The following GNG7 variants were observed in gnomAD, a reference collection of about 807,000 sequenced individuals.
GNG7 encodes the protein G protein subunit gamma 7, also known as guanine nucleotide-binding protein G(I)/G(S)/G(O) subunit gamma-7.
In GNG7, 1 loss-of-function variant was observed where a neutral mutation model predicts 4.0. The ratio of observed to expected loss-of-function variants is 0.25; its 90% CI spans 0.09 to 1.18. The LOEUF (loss-of-function observed/expected upper bound fraction) is 1.18. GNG7 is among the 50% of genes most tolerant of loss of function. GNG7 has a pLI of 0.50. For missense variants in GNG7, 86 were observed against 91.9 expected, an observed-to-expected ratio of 0.94 and a Z score of 0.26; for synonymous variants, 34 against 36.9, an observed-to-expected ratio of 0.92 and a Z score of 0.29.
chr19:2,557,338 CACAT>C lies in GNG7; in HGVS notation c.-77-2154_-77-2151del, dbSNP rs1979595293. Among the ~76,000 whole-genome samples the C allele has an allele frequency of 6.6e-6, 1 of 151,866 alleles. No individual in the cohort carries two copies. Among genetic ancestry groups the C allele is most frequent in the African/African-American group, 2.4e-5 (1 of 41,320 alleles). On this transcript the variant is annotated intron_variant, in intron 2 of 4. Transcript: ENST00000382159. The surrounding 1 kb of genome is among the most constrained non-coding windows in gnomAD (Gnocchi z 5.1). ...AGACACACATGTGCACACAGACACA[CACAT>C]GTGCACACACACAGACACACACACA...
In GNG7 at chr19:2,513,577, G is replaced by C. The variant is rs938788198; in HGVS notation, c.*1445C>G. 1.6e-5 allele frequency: 16 copies of C among 985,344 alleles called. No homozygotes were observed. Among genetic ancestry groups the C allele is most frequent in the African/African-American group, 1.7e-5 (1 of 57,222 alleles). The allele number at this position is 985,344 out of a possible 1,614,324, so 61.0% of individuals were successfully genotyped here. ...CGCTGGGAGGAGTGGCCCATCCTGC[G>C]TCTAAGGCATCTCCCGGCCTCAGAC... On this transcript the variant is annotated 3_prime_UTR_variant, in exon 5 of 5. Transcript: ENST00000382159.
Position 2,662,599 on chromosome 19 carries a change from C to T in GNG7, c.-134-16319G>A, listed in dbSNP as rs191351453. Among the ~76,000 whole-genome samples, 51 of 152,212 alleles carry T rather than the reference C, an allele frequency of 3.4e-4. No homozygotes were observed. The East Asian group carries it at 5.2e-3, about 16-fold the overall frequency. Reference sequence around the variant, plus strand: ...TAAAGCATATTACAAAGAATACAGACGAAAAGATGCATAGGATGAGGTATA... The same window carrying T: ...TAAAGCATATTACAAAGAATACAGATGAAAAGATGCATAGGATGAGGTATA... On this transcript the variant is annotated intron_variant, in intron 1 of 4. Coordinates refer to ENST00000382159, the MANE Select transcript of GNG7 (RefSeq NM_052847.3).
At chr19:2,676,079 C>A (rs925420113) in intron 1 of GNG7, among the ~76,000 whole-genome samples, 16 of 152,208 alleles carry the variant, frequency 1.1e-4, no homozygotes, top group Admixed American at 2.6e-4. Flanking sequence ...GAGGCAGAGA[C>A]TGGAGCGATG....
chr19:2,675,019 C>T (rs1983559429), intron 1 of GNG7, among the ~76,000 whole-genome samples: 1 of 152,182 alleles, frequency 6.6e-6, no homozygotes, highest in African/African-American at 2.4e-5. Flanking sequence ...CTGGCTGAGA[C>T]TAGAATAGAT....
intron 1 of GNG7, among the ~76,000 whole-genome samples, chr19:2,673,288 C>CAAAAAA (rs1198125183): frequency 7.3e-6 from 1 of 136,916 alleles, no homozygotes; most frequent in Non-Finnish European, 1.6e-5. Context: ...CAAAACAAAA[C>CAAAAAA]AAAAAAAAAC....
intron 2 of GNG7, among the ~76,000 whole-genome samples, chr19:2,599,232 A>T (rs1981126616): frequency 6.6e-6 from 1 of 151,924 alleles, no homozygotes; most frequent in Non-Finnish European, 1.5e-5. Context: ...CTCCGAAAAC[A>T]CCGCACTTTC....
chr19:2,659,160 G>A (rs1239716770), intron 1 of GNG7, among the ~76,000 whole-genome samples: 4 of 151,854 alleles, frequency 2.6e-5, no homozygotes, highest in South Asian at 2.1e-4. Flanking sequence ...TAGTAGAGAC[G>A]AGGTTTCACC....
chr19:2,702,125 T>C (rs989207280), intron 1 of GNG7, among the ~76,000 whole-genome samples: 1 of 133,210 alleles, frequency 7.5e-6, no homozygotes, highest in Non-Finnish European at 1.6e-5. Context: ...AACCTCGACC[T>C]GCAACTCCAG....
At position 2,524,367 on chromosome 19, in the gene GNG7, A is replaced by G. The variant is rs1362771417; in HGVS notation, c.-37-3642T>C. Among the ~76,000 whole-genome samples the G allele has an allele frequency of 2.6e-5, 4 of 152,378 alleles. No individual in the cohort carries two copies. The East Asian group carries it at 5.8e-4, about 22-fold the overall frequency. ...TCTATGTTTATTTGCATGTATGTCAATGATGCACATGTGACTGTACACGTG... is the reference window on the plus strand; with the variant it reads ...TCTATGTTTATTTGCATGTATGTCAGTGATGCACATGTGACTGTACACGTG... On this transcript the variant is annotated intron_variant, in intron 3 of 4. Transcript: ENST00000382159.
chr19:2,636,126 G>A (rs1279289456), intron 2 of GNG7, among the ~76,000 whole-genome samples: 1 of 152,136 alleles, frequency 6.6e-6, no homozygotes, highest in African/African-American at 2.4e-5. Context: ...GCTCACACCG[G>A]ACACCAGAAT....
At position 2,571,224 on chromosome 19, in the gene GNG7, G is replaced by A. The variant is rs564351391; in HGVS notation, c.-77-16036C>T. Among the ~76,000 whole-genome samples, 35 of 152,254 alleles carry A rather than the reference G, an allele frequency of 2.3e-4. 1 individual carries two copies. The highest frequency in any genetic ancestry group is 3.4e-3 in the Middle Eastern group (1 of 294). ...GTGTCTTCTAGGATCTGCGGAATGGGGGCCTCTCCAGCACAGATAACAGAG... is the reference window on the plus strand; with the variant it reads ...GTGTCTTCTAGGATCTGCGGAATGGAGGCCTCTCCAGCACAGATAACAGAG... On this transcript the variant is annotated intron_variant, in intron 2 of 4. Coordinates refer to ENST00000382159, the MANE Select transcript of GNG7 (RefSeq NM_052847.3).
intron 1 of GNG7, among the ~76,000 whole-genome samples, chr19:2,682,316 C>A (rs1204952934): frequency 2.0e-5 from 3 of 152,070 alleles, no homozygotes; most frequent in Non-Finnish European, 2.9e-5. Flanking sequence ...TGGCTGGTTC[C>A]ATCACGGAGA....
At chr19:2,548,825 G>A (rs1229884921) in intron 3 of GNG7, among the ~76,000 whole-genome samples, 8 of 145,858 alleles carry the variant, frequency 5.5e-5, no homozygotes, top group African/African-American at 1.0e-4. Context: ...AACAAACAGC[G>A]ACAACCCCCT....
chr19:2,580,548 C>G (rs1001025903), intron 2 of GNG7, among the ~76,000 whole-genome samples: 1 of 152,054 alleles, frequency 6.6e-6, no homozygotes, highest in African/African-American at 2.4e-5. Context: ...GCCTTGACCT[C>G]CCAAAGTGCT....
At position 2,644,371 on chromosome 19, in the gene GNG7, ATATATATAT is replaced by A. The variant is rs1427906195; in HGVS notation, c.-78+1844_-78+1852del. On this transcript the variant is annotated intron_variant, in intron 2 of 4. Transcript: ENST00000382159. ...TATATATATATATATATATATATAT[ATATATATAT>A]AATGCTCTATCTATACATGCATCAT... Among the ~76,000 whole-genome samples the A allele has an allele frequency of 7.9e-5, 10 of 126,976 alleles. 1 individual carries two copies. Among genetic ancestry groups the A allele is most frequent in the African/African-American group, 2.9e-4 (8 of 27,506 alleles). The allele number at this position is 126,976 out of a possible 152,430, so 83.3% of individuals were successfully genotyped here. A position where few individuals can be genotyped will look rare whatever the true frequency, so the allele number is the denominator to read the frequency against.
At chr19:2,689,245 G>A (rs374446867) in intron 1 of GNG7, among the ~76,000 whole-genome samples, 7 of 151,554 alleles carry the variant, frequency 4.6e-5, no homozygotes, top group African/African-American at 7.3e-5. Flanking sequence ...GCATGGCACC[G>A]TGTTATAGGG....
At chr19:2,646,860 T>C (rs1306831661) in intron 1 of GNG7, among the ~76,000 whole-genome samples, 1 of 152,174 alleles carries the variant, frequency 6.6e-6, no homozygotes, top group African/African-American at 2.4e-5. Context: ...TCTCTGTACA[T>C]CTTTGGAGCC....
At chr19:2,625,538 G>A (rs1034564876) in intron 2 of GNG7, among the ~76,000 whole-genome samples, 1 of 152,054 alleles carries the variant, frequency 6.6e-6, no homozygotes, top group South Asian at 2.1e-4. Flanking sequence ...TCTTCTCCTC[G>A]GTCACGGGGA....
chr19:2,570,611 A>G (rs1980116079), intron 2 of GNG7, among the ~76,000 whole-genome samples: 1 of 152,060 alleles, frequency 6.6e-6, no homozygotes, highest in African/African-American at 2.4e-5. Context: ...CAGCCCCATA[A>G]TGGGCCCCAG....
Sources: allele counts gnomAD v4.1 joint callset (sites outside exome capture counted in the v4.1 genomes callset), GRCh38; gene constraint gnomAD v4.1.1; non-coding constraint Gnocchi (gnomAD v3.1); transcripts MANE v1.5; gene names NCBI Gene and HGNC (gene_info 2026-07-23, HGNC 2026-07-21).